The following C10orf90 variants were observed in gnomAD, a reference collection of about 807,000 sequenced individuals.
C10orf90 encodes the protein chromosome 10 open reading frame 90.
Under a neutral mutation model 62.5 loss-of-function variants are expected in C10orf90, and 56 were observed. The ratio of observed to expected loss-of-function variants is 0.90; its 90% CI spans 0.72 to 1.12. C10orf90 has a LOEUF of 1.12. Ranked by LOEUF, C10orf90 falls within the 50% of genes most tolerant of loss-of-function variation. The pLI, the probability that C10orf90 is intolerant of heterozygous loss-of-function variation, is 0.00. For missense variants in C10orf90, 970 were observed against 880.4 expected (o/e 1.10, Z -1.29); for synonymous variants, 386 against 340.4 (o/e 1.13, Z -1.47).
chr10:126,428,615 G>A (rs552888742), intron 8 of C10orf90, among the ~76,000 whole-genome samples: 2 of 152,166 alleles, frequency 1.3e-5, no homozygotes, highest in African/African-American at 4.8e-5. Context: ...TAAAATGATA[G>A]GGCAATACTC....
chr10:126,630,766 G>A (rs1277241811), intron 2 of C10orf90, among the ~76,000 whole-genome samples: 1 of 152,090 alleles, frequency 6.6e-6, no homozygotes, highest in African/African-American at 2.4e-5. Flanking sequence ...GCAGCTCTTG[G>A]ATCTATTAAG....
intron 2 of C10orf90, among the ~76,000 whole-genome samples, chr10:126,575,232 G>A (rs1844586168): frequency 6.6e-6 from 1 of 151,912 alleles, no homozygotes; most frequent in Admixed American, 6.6e-5. Context: ...AACACAGTAT[G>A]ATCTTATATA....
intron 7 of C10orf90, among the ~76,000 whole-genome samples, chr10:126,439,772 A>G (rs1043785948): frequency 6.6e-6 from 1 of 152,196 alleles, no homozygotes; most frequent in Non-Finnish European, 1.5e-5. Context: ...CAAAGAAAAA[A>G]ATTATGAAAA....
chr10:126,546,042 A>T (rs961786328), intron 2 of C10orf90, among the ~76,000 whole-genome samples: 8 of 152,200 alleles, frequency 5.3e-5, no homozygotes, highest in African/African-American at 9.7e-5. Flanking sequence ...CTTTTGTCTC[A>T]TGCATCTCAG....
At chr10:126,436,574 C>T (rs1268709315) in intron 7 of C10orf90, among the ~76,000 whole-genome samples, 1 of 152,184 alleles carries the variant, frequency 6.6e-6, no homozygotes, top group South Asian at 2.1e-4. Context: ...TCACCTTAGG[C>T]CTTTGCTTGG....
rs114788109 is a variant in C10orf90, at chr10:126,584,672, G to A, written c.313+61893C>T. Among the ~76,000 whole-genome samples, 1,120 of 152,304 alleles carry A rather than the reference G, an allele frequency of 7.4e-3. 14 individuals carry two copies. Among genetic ancestry groups the A allele is most frequent in the African/African-American group, 0.026 (1,070 of 41,582 alleles). Reference sequence around the variant, plus strand: ...CTGTGCTAACAGCACAAGAGACCAAGGGACCCAAACCCCTCTCAGAATCCC... The same window carrying A: ...CTGTGCTAACAGCACAAGAGACCAAAGGACCCAAACCCCTCTCAGAATCCC... On this transcript the variant is annotated intron_variant, in intron 2 of 9. Transcript: ENST00000488181.
chr10:126,533,376 T>A (rs1004224735), intron 2 of C10orf90, among the ~76,000 whole-genome samples: 4 of 152,132 alleles, frequency 2.6e-5, no homozygotes, highest in African/African-American at 9.7e-5. Context: ...CCCTGAAAAA[T>A]TAAGATCAAG....
At chr10:126,549,174 G>A (rs1384941191) in intron 2 of C10orf90, among the ~76,000 whole-genome samples, 1 of 152,148 alleles carries the variant, frequency 6.6e-6, no homozygotes, top group Non-Finnish European at 1.5e-5. Flanking sequence ...CTTAATCAAA[G>A]TGTAAAACTT....
chr10:126,625,579 A>G (rs1235347966), intron 2 of C10orf90, among the ~76,000 whole-genome samples: 1 of 152,062 alleles, frequency 6.6e-6, no homozygotes, highest in East Asian at 1.9e-4. Flanking sequence ...GACAGGAGAA[A>G]CTCTGAGCGC....
intron 2 of C10orf90, among the ~76,000 whole-genome samples, chr10:126,564,405 A>G (rs1844253958): frequency 6.6e-6 from 1 of 151,778 alleles, no homozygotes; most frequent in Non-Finnish European, 1.5e-5. Context: ...TTCCATTGCA[A>G]ACACAAACCA....
intron 1 of C10orf90, among the ~76,000 whole-genome samples, chr10:126,648,524 C>T (rs1290519857): frequency 6.6e-6 from 1 of 152,226 alleles, no homozygotes; most frequent in African/African-American, 2.4e-5. Flanking sequence ...CTTATATAGC[C>T]ATTATACTTC....
At chr10:126,470,150 A>G in intron 4 of C10orf90, 1 of 417,188 alleles carries the variant, frequency 2.4e-6, no homozygotes, top group Non-Finnish European at 4.9e-6. Flanking sequence ...ATTCTTCTGT[A>G]GGTTGCATGC....
Position 126,639,302 on chromosome 10 carries a change from G to A in C10orf90, c.313+7263C>T, listed in dbSNP as rs562088165. Among the ~76,000 whole-genome samples, 135 of 152,288 alleles carry A rather than the reference G, an allele frequency of 8.9e-4. 1 individual carries two copies. The highest frequency in any genetic ancestry group is 1.7e-3 in the East Asian group (9 of 5,174). On this transcript the variant is annotated intron_variant, in intron 2 of 9. Coordinates refer to ENST00000488181, the MANE Select transcript of C10orf90 (RefSeq NM_001350921.2). ...TGCAGGAAAATCTCGTCTCCATGGC[G>A]CATGATGTGCGGTTGCTGCTCAGCC... is the stretch of plus-strand genomic sequence containing the variant.
intron 2 of C10orf90, among the ~76,000 whole-genome samples, chr10:126,554,555 G>A (rs1031066967): frequency 2.0e-5 from 3 of 152,140 alleles, no homozygotes; most frequent in Non-Finnish European, 4.4e-5. Flanking sequence ...TAAACATAAT[G>A]AAAATCCACT....
chr10:126,574,089 G>A (rs1844563665), intron 2 of C10orf90, among the ~76,000 whole-genome samples: 1 of 152,122 alleles, frequency 6.6e-6, no homozygotes, highest in African/African-American at 2.4e-5. Context: ...ATAAAAAAGG[G>A]AATAATTGTA....
chr10:126,598,058 T>C (rs1845121228), intron 2 of C10orf90, among the ~76,000 whole-genome samples: 1 of 152,176 alleles, frequency 6.6e-6, no homozygotes, highest in Non-Finnish European at 1.5e-5. Flanking sequence ...AGATACCCTA[T>C]TTCAATGGCA....
At chr10:126,539,382 G>A (rs1004119238) in intron 2 of C10orf90, among the ~76,000 whole-genome samples, 1 of 152,186 alleles carries the variant, frequency 6.6e-6, no homozygotes, top group African/African-American at 2.4e-5. Flanking sequence ...GGGAGGATGT[G>A]TGTGAAAGGA....
intron 5 of C10orf90, 40 bp from the exon 6 acceptor site, chr10:126,461,625 A>G: frequency 1.3e-6 from 2 of 1,559,884 alleles, no homozygotes; most frequent in Non-Finnish European, 8.7e-7. Flanking sequence ...GAGGGCACCA[A>G]GTGATTTTCA....
chr10:126,430,628 T>A (rs1369660474), intron 7 of C10orf90, among the ~76,000 whole-genome samples: 3 of 152,200 alleles, frequency 2.0e-5, no homozygotes, highest in Admixed American at 6.5e-5. Context: ...TAAATGCTCC[T>A]GGGGTGCTTG....
Sources: gnomAD v4.1 joint callset for allele counts (sites outside exome capture counted in the v4.1 genomes callset) on GRCh38, gnomAD v4.1.1 for gene constraint, MANE v1.5 for transcripts, NCBI Gene and HGNC (gene_info 2026-07-23, HGNC 2026-07-21) for gene names.